NFATC3: variants seen among roughly 807,000 people sequenced by gnomAD.
The protein encoded by NFATC3 is nuclear factor of activated T-cells, cytoplasmic 3.
NFATC3 carries 46 observed loss-of-function variants against 98.6 expected under a neutral mutation model. That is an observed-to-expected ratio of 0.47 (90% CI 0.37 to 0.60). The LOEUF is 0.60. Among genes scored for constraint, NFATC3 ranks in the 20% least tolerant of loss-of-function variants. The probability of loss-of-function intolerance (pLI) is 0.00; values close to 1 mark genes in which losing one functional copy is unlikely to be tolerated. For missense variants in NFATC3, 1,256 were observed against 1,295.5 expected (o/e 0.97, Z 0.47); for synonymous variants, 512 against 472.2 (o/e 1.08, Z -1.09).
chr16:68,202,977 A>G (rs777781119), intron 9 of NFATC3, among the ~76,000 whole-genome samples: 2 of 152,196 alleles, frequency 1.3e-5, no homozygotes, highest in Non-Finnish European at 2.9e-5. Context: ...TGGACACTGG[A>G]TAACTCACGA....
chr16:68,086,476 A>T (rs2034382732), intron 1 of NFATC3, among the ~76,000 whole-genome samples: 2 of 152,178 alleles, frequency 1.3e-5, no homozygotes, highest in Admixed American at 1.3e-4. Context: ...TCCTTGGAAG[A>T]TATTTTAAAG....
chr16:68,165,339 C>T (rs1487350661), intron 4 of NFATC3, among the ~76,000 whole-genome samples: 2 of 149,418 alleles, frequency 1.3e-5, no homozygotes, highest in African/African-American at 2.5e-5. Context: ...TGGCTTAATT[C>T]CTTTTGGGAT....
At chr16:68,195,757 G>A (rs191833381) in intron 9 of NFATC3, among the ~76,000 whole-genome samples, 12 of 152,248 alleles carry the variant, frequency 7.9e-5, no homozygotes, top group African/African-American at 2.4e-4. Flanking sequence ...GCAGTGAGCC[G>A]AGATTGGGCC....
chr16:68,115,149 C>T (rs1040179555), intron 1 of NFATC3, among the ~76,000 whole-genome samples: 7 of 152,044 alleles, frequency 4.6e-5, no homozygotes, highest in South Asian at 2.1e-4. Context: ...CTGCAACCTC[C>T]GCCTCCCGGC....
chr16:68,165,693 GC>G (rs1196320848), intron 4 of NFATC3, among the ~76,000 whole-genome samples: 1 of 152,098 alleles, frequency 6.6e-6, no homozygotes, highest in African/African-American at 2.4e-5. Context: ...ACTGCACCCG[GC>G]CGGTTCTTGT....
intron 2 of NFATC3, among the ~76,000 whole-genome samples, chr16:68,124,090 G>T (rs571590708): frequency 1.3e-5 from 2 of 152,022 alleles, no homozygotes; most frequent in Non-Finnish European, 2.9e-5. Context: ...TTCCCACATG[G>T]AGTTGTGCCT....
intron 3 of NFATC3, among the ~76,000 whole-genome samples, chr16:68,145,674 A>G (rs2038005089): frequency 6.6e-6 from 1 of 152,212 alleles, no homozygotes; most frequent in Non-Finnish European, 1.5e-5. Flanking sequence ...AGAGATGGAC[A>G]ATAGATTGGT....
intron 1 of NFATC3, among the ~76,000 whole-genome samples, chr16:68,114,973 A>C (rs1206160060): frequency 2.6e-5 from 4 of 152,190 alleles, no homozygotes; most frequent in Non-Finnish European, 5.9e-5. Flanking sequence ...TTCTTGCTGA[A>C]AGGCTAATAG....
chr16:68,217,688 T>G, intron 9 of NFATC3: 3 of 1,231,606 alleles, frequency 2.4e-6, no homozygotes, highest in Non-Finnish European at 3.0e-6. Context: ...TCCTTTCAAT[T>G]TGTTGTTCCT....
chr16:68,092,072 C>T (rs1355983590), intron 1 of NFATC3, among the ~76,000 whole-genome samples: 1 of 152,176 alleles, frequency 6.6e-6, no homozygotes, highest in Non-Finnish European at 1.5e-5. Context: ...AATTGGGGCT[C>T]TAAGATTTAA....
rs772568662 is a variant in NFATC3 at position 68,183,305 on chromosome 16, C to T, written c.2037C>T (p.His679=). The T allele has an allele frequency of 3.1e-6, 5 of 1,613,152 alleles. No homozygotes were observed. The Admixed American group carries it at 8.4e-5, about 27-fold the overall frequency. The change falls in exon 8 of 10, where the codon CAC becomes CAT. Residue 679 remains histidine, a synonymous_variant. Coordinates refer to ENST00000346183, the MANE Select transcript of NFATC3 (RefSeq NM_173165.3). The stretch of plus-strand genomic sequence containing the variant: ...CAGTTACAGCTGCAGTGCAGGTGCA[C>T]TTTTATCTTTGCAATGGCAAGAGGA... ...NPAVTAAVQV[H]FYLCNGKRKK... is the part of the protein sequence containing the mutation.
chr16:68,217,865 G>T (rs1002014298), intron 9 of NFATC3: 5 of 1,226,950 alleles, frequency 4.1e-6, no homozygotes, highest in Non-Finnish European at 4.1e-6. Context: ...AATTGCATGG[G>T]CCATACCTAG....
At chr16:68,152,188 C>T (rs534768294) in intron 3 of NFATC3, among the ~76,000 whole-genome samples, 3 of 143,936 alleles carry the variant, frequency 2.1e-5, no homozygotes, top group East Asian at 2.0e-4. Flanking sequence ...CATGGTGAAA[C>T]GCCATCTCTA....
chr16:68,164,385 G>C (rs2039084957), intron 4 of NFATC3, among the ~76,000 whole-genome samples: 1 of 151,880 alleles, frequency 6.6e-6, no homozygotes, highest in Non-Finnish European at 1.5e-5. Context: ...ACCGTGGAAA[G>C]AGAGGGAGAG....
intron 3 of NFATC3, among the ~76,000 whole-genome samples, chr16:68,136,579 C>A (rs906638299): frequency 6.6e-6 from 1 of 152,106 alleles, no homozygotes; most frequent in Non-Finnish European, 1.5e-5. Context: ...TCAGAGTTTA[C>A]ATTTAATCTT....
At chr16:68,184,575 G>A (rs1210381771) in intron 8 of NFATC3, among the ~76,000 whole-genome samples, 1 of 152,060 alleles carries the variant, frequency 6.6e-6, no homozygotes, top group African/African-American at 2.4e-5. Context: ...AGGTTGAGGT[G>A]GGTGGATCAC....
At chr16:68,097,557 A>G (rs182459059) in intron 1 of NFATC3, among the ~76,000 whole-genome samples, 2 of 152,310 alleles carry the variant, frequency 1.3e-5, no homozygotes, top group Admixed American at 6.5e-5. Flanking sequence ...GTGGATTATA[A>G]TGTGAAAAGG....
chr16:68,215,186 G>T (rs1219086760), intron 9 of NFATC3, among the ~76,000 whole-genome samples: 1 of 152,120 alleles, frequency 6.6e-6, no homozygotes, highest in Non-Finnish European at 1.5e-5. Flanking sequence ...TTATATTTAG[G>T]TTTCTGCAGC....
chr16:68,092,881 TC>T (rs1407236926), intron 1 of NFATC3, among the ~76,000 whole-genome samples: 7 of 152,218 alleles, frequency 4.6e-5, no homozygotes, highest in African/African-American at 1.7e-4. Flanking sequence ...TTTTGCCACT[TC>T]CTGAAAATGA....
Sources: gnomAD v4.1 joint callset for allele counts (sites outside exome capture counted in the v4.1 genomes callset) on GRCh38, gnomAD v4.1.1 for gene constraint, MANE v1.5 for transcripts, NCBI Gene and HGNC (gene_info 2026-07-23, HGNC 2026-07-21) for gene names.